The following CUX2 variants were observed in gnomAD, a reference collection of about 807,000 sequenced individuals.
CUX2 encodes the protein cut like homeobox 2.
In CUX2, 40 loss-of-function variants were observed where a neutral mutation model predicts 144.8. The observed-to-expected ratio is 0.28, with a 90% CI of 0.21 to 0.36. The LOEUF (loss-of-function observed/expected upper bound fraction) is 0.36, where lower values mean the gene tolerates loss of function less well. Ranked by LOEUF, CUX2 falls within the 10% of genes least tolerant of loss-of-function variation. The pLI, the probability that CUX2 is intolerant of heterozygous loss-of-function variation, is 1.00. For missense variants in CUX2, 1,615 were observed against 1,994.0 expected (o/e 0.81, Z 3.62); for synonymous variants, 827 against 875.6 (o/e 0.94, Z 0.98).
intron 3 of CUX2, 52 bp downstream of exon 3, chr12:111,217,989 C>G: frequency 6.2e-7 from 1 of 1,602,634 alleles, no homozygotes; most frequent in Non-Finnish European, 8.5e-7. Context: ...ATGGCTCCCC[C>G]TCCTATCCCA....
chr12:111,285,841 G>A (rs901039241), intron 4 of CUX2, among the ~76,000 whole-genome samples: 3 of 152,202 alleles, frequency 2.0e-5, no homozygotes, highest in Non-Finnish European at 2.9e-5. Flanking sequence ...GGATGTCACC[G>A]CCACCTTCTC....
chr12:111,344,767 G>A (rs934276372), intron 21 of CUX2, among the ~76,000 whole-genome samples: 14 of 152,146 alleles, frequency 9.2e-5, no homozygotes, highest in Non-Finnish European at 1.8e-4. Context: ...GGGAGGCAGG[G>A]GCAAGAAAAT....
At chr12:111,129,328 A>G (rs187513699) in intron 1 of CUX2, among the ~76,000 whole-genome samples, 1 of 152,366 alleles carries the variant, frequency 6.6e-6, no homozygotes, top group Admixed American at 6.5e-5. Context: ...CCAAATGATG[A>G]CGTAGAGCCA....
At position 111,287,723 on chromosome 12, in the gene CUX2, G is replaced by A. The variant is rs1041600231; in HGVS notation, c.302-3695G>A. Among the ~76,000 whole-genome samples, 2 of 152,352 alleles carry A rather than the reference G, an allele frequency of 1.3e-5. No homozygotes were observed. Among genetic ancestry groups the A allele is most frequent in the Admixed American group, 6.5e-5 (1 of 15,306 alleles). Reference sequence around the variant, plus strand: ...ATGAAAGCCACCGCCGCCTTCCCGCGCACCTGCTTACCTCGGCATGGACGC... The same window carrying A: ...ATGAAAGCCACCGCCGCCTTCCCGCACACCTGCTTACCTCGGCATGGACGC... On this transcript the variant is annotated intron_variant, in intron 4 of 21. Coordinates refer to ENST00000261726, the MANE Select transcript of CUX2 (RefSeq NM_015267.4). This position sits in a 1 kb window ranked among gnomAD's most constrained non-coding sequence, Gnocchi z 4.2.
intron 1 of CUX2, among the ~76,000 whole-genome samples, chr12:111,065,036 G>A (rs139385116): frequency 8.5e-4 from 129 of 152,336 alleles, no homozygotes; most frequent in African/African-American, 3.0e-3. Context: ...TCCTGCTAAT[G>A]TTGCCTGTTG....
chr12:111,249,400 C>CTTTT (rs778334868), intron 3 of CUX2, among the ~76,000 whole-genome samples: 1 of 80,112 alleles, frequency 1.2e-5, no homozygotes, highest in Non-Finnish European at 2.5e-5. Context: ...GTGCTATTGC[C>CTTTT]TTTTTTTTTT....
rs928711599 is a variant in CUX2 at position 111,277,269 on chromosome 12, C to T, written c.301+13430C>T. The stretch of plus-strand genomic sequence containing the variant: ...GAGGGGAAAGGAGATTGGCACTGGG[C>T]GTCCCCTGGGCCAGCCCCACATCCC... On this transcript the variant is annotated intron_variant, in intron 4 of 21. Coordinates refer to ENST00000261726, the MANE Select transcript of CUX2 (RefSeq NM_015267.4). The surrounding 1 kb of genome is among the most constrained non-coding windows in gnomAD (Gnocchi z 5.0). Among the ~76,000 whole-genome samples the T allele has an allele frequency of 2.0e-5, 3 of 152,118 alleles. No individual in the cohort carries two copies. Among genetic ancestry groups the T allele is most frequent in the East Asian group, 1.9e-4 (1 of 5,184 alleles).
chr12:111,279,550 T>A (rs1350160178), intron 4 of CUX2, among the ~76,000 whole-genome samples: 5 of 152,138 alleles, frequency 3.3e-5, no homozygotes, highest in Admixed American at 6.5e-5. Context: ...AGGCCAGGTG[T>A]GGTGGCTCAT....
chr12:111,298,448 C>T, intron 8 of CUX2, 93 bp from the exon 9 acceptor site: 3 of 1,372,016 alleles, frequency 2.2e-6, no homozygotes, highest in Non-Finnish European at 3.0e-6. Context: ...TCAGCCCTCC[C>T]CTGGGCTCAG....
chr12:111,347,192 G>A (rs1219775207), intron 21 of CUX2, among the ~76,000 whole-genome samples: 1 of 152,140 alleles, frequency 6.6e-6, no homozygotes, highest in Non-Finnish European at 1.5e-5. Flanking sequence ...TGTATGGCCA[G>A]TAACTGCTGT....
At position 111,287,191 on chromosome 12, in the gene CUX2, A is replaced by G. The variant is rs1006745360; in HGVS notation, c.302-4227A>G. ...CCTCGGAGTAGAACGAAATGTCAAT[A>G]CCTAATCCCTGCGAACAGGGTGAGT... On this transcript the variant is annotated intron_variant, in intron 4 of 21. Coordinates refer to ENST00000261726, the MANE Select transcript of CUX2 (RefSeq NM_015267.4). This position sits in a 1 kb window ranked among gnomAD's most constrained non-coding sequence, Gnocchi z 4.2. Among the ~76,000 whole-genome samples, 2 of 152,192 alleles carry G rather than the reference A, an allele frequency of 1.3e-5. No homozygotes were observed. Among genetic ancestry groups the G allele is most frequent in the Admixed American group, 1.3e-4 (2 of 15,276 alleles).
intron 1 of CUX2, among the ~76,000 whole-genome samples, chr12:111,179,953 G>C (rs1022497916): frequency 2.0e-5 from 3 of 152,208 alleles, no homozygotes; most frequent in Non-Finnish European, 4.4e-5. Flanking sequence ...AAAGTGCTGG[G>C]ATTACAGGCG....
At chr12:111,166,663 A>C (rs1878162203) in intron 1 of CUX2, among the ~76,000 whole-genome samples, 1 of 152,154 alleles carries the variant, frequency 6.6e-6, no homozygotes, top group East Asian at 1.9e-4. Context: ...TTGACTGTAG[A>C]GTCTGTGCTT....
Position 111,341,414 on chromosome 12 carries a change from C to G in CUX2, c.3386-366C>G, listed in dbSNP as rs140584970. Among the ~76,000 whole-genome samples the G allele has an allele frequency of 2.0e-3, 307 of 152,296 alleles. 4 individuals carry two copies. Among genetic ancestry groups the G allele is most frequent in the African/African-American group, 7.2e-3 (298 of 41,562 alleles). Reference sequence around the variant, plus strand: ...TGGTTGAAGCTACAGTGAGCCATGACTGCACCGCTGTACTCCAGGCTGGGT... The same window carrying G: ...TGGTTGAAGCTACAGTGAGCCATGAGTGCACCGCTGTACTCCAGGCTGGGT... On this transcript the variant is annotated intron_variant, in intron 20 of 21. Transcript: ENST00000261726.
intron 3 of CUX2, among the ~76,000 whole-genome samples, chr12:111,260,088 G>GGGAGGCAGA (rs1460194858): frequency 1.4e-5 from 2 of 146,094 alleles, no homozygotes; most frequent in Non-Finnish European, 3.0e-5. Flanking sequence ...GCTTGAACCT[G>GGGAGGCAGA]GGAGGCAGAG....
intron 1 of CUX2, among the ~76,000 whole-genome samples, chr12:111,051,601 A>G (rs1870269905): frequency 1.3e-5 from 2 of 151,500 alleles, no homozygotes; most frequent in Admixed American, 1.3e-4. Context: ...GTATCCTTTA[A>G]TTTTCCATCT....
chr12:111,034,296 G>A lies in CUX2; in HGVS notation c.63+56G>A. 1 of 1,173,292 alleles carries A rather than the reference G, an allele frequency of 8.5e-7. No individual in the cohort carries two copies. The highest frequency in any genetic ancestry group is 1.1e-6 in the Non-Finnish European group (1 of 911,968). 72.7% of individuals were successfully genotyped at this position (1,173,292 alleles called of 1,614,324 possible). A position where few individuals can be genotyped will look rare whatever the true frequency, so the allele number is the denominator to read the frequency against. Reference sequence around the variant, plus strand: ...GTGAGGAGCCCCCGGGCGCGCCCTGGGCGCATTGGGGAGGTCCCCGGGCGG... The same window carrying A: ...GTGAGGAGCCCCCGGGCGCGCCCTGAGCGCATTGGGGAGGTCCCCGGGCGG... On this transcript the variant is annotated intron_variant, in intron 1 of 21. Transcript: ENST00000261726. This position sits in a 1 kb window ranked among gnomAD's most constrained non-coding sequence, Gnocchi z 4.2.
intron 3 of CUX2, among the ~76,000 whole-genome samples, chr12:111,235,192 C>A (rs1882677871): frequency 6.6e-6 from 1 of 152,060 alleles, no homozygotes; most frequent in South Asian, 2.1e-4. Flanking sequence ...GTGAGCAGTG[C>A]TGGGAGGCGG....
intron 1 of CUX2, among the ~76,000 whole-genome samples, chr12:111,152,974 G>A (rs946024800): frequency 2.0e-5 from 3 of 152,242 alleles, no homozygotes; most frequent in Admixed American, 6.5e-5. Context: ...CAGGAAAGGC[G>A]AGGTGTGATT....
Sources: allele counts gnomAD v4.1 joint callset (sites outside exome capture counted in the v4.1 genomes callset), GRCh38; gene constraint gnomAD v4.1.1; non-coding constraint Gnocchi (gnomAD v3.1); transcripts MANE v1.5; gene names NCBI Gene and HGNC (gene_info 2026-07-23, HGNC 2026-07-21).